MCC: variants seen among roughly 807,000 people sequenced by gnomAD.
The protein encoded by MCC is colorectal mutant cancer protein.
In MCC, 90 loss-of-function variants were observed where a neutral mutation model predicts 116.2. That is an observed-to-expected ratio of 0.77 (90% CI 0.65 to 0.92). MCC has a LOEUF of 0.92. MCC is among the 40% of genes least tolerant of loss of function. The pLI is 0.00. For missense variants in MCC, 1,516 were observed against 1,312.2 expected (o/e 1.16, Z -2.40); for synonymous variants, 578 against 510.5 (o/e 1.13, Z -1.78).
chr5:113,027,419 C>A lies in MCC; in HGVS notation c.2943G>T (p.Glu981Asp). Residue 981 changes from glutamate (E) to aspartate (D), a missense_variant, in exon 19 of 19, where the codon GAG (glutamate) becomes GAT (aspartate). Physicochemically the swap from Glu to Asp is conservative, Grantham distance 45. Transcript: ENST00000408903. ...TCTCCACCATGGCCATCATCTGCGA[C>A]TCTAACTTCTTCAGTTTGTTTTGAT... ...KKHQNKLKKL[E>D]SQMMAMVERH... 6.2e-7 allele frequency: 1 copy of A among 1,614,244 alleles called. No homozygotes were observed. The highest frequency in any genetic ancestry group is 8.5e-7 in the Non-Finnish European group (1 of 1,180,040).
intron 3 of MCC, among the ~76,000 whole-genome samples, chr5:113,269,994 A>G (rs536133791): frequency 6.6e-6 from 1 of 152,346 alleles, no homozygotes; most frequent in African/African-American, 2.4e-5. Flanking sequence ...TTTCCCAAAG[A>G]AGGAAGAGAG....
At chr5:113,050,651 T>G (rs1752425707) in intron 15 of MCC, among the ~76,000 whole-genome samples, 1 of 152,232 alleles carries the variant, frequency 6.6e-6, no homozygotes. Context: ...GAAGCAGGAT[T>G]CTGAAGGTTC....
intron 3 of MCC, among the ~76,000 whole-genome samples, chr5:113,255,274 T>C (rs1456924530): frequency 6.6e-6 from 1 of 152,228 alleles, no homozygotes; most frequent in Non-Finnish European, 1.5e-5. Flanking sequence ...AGGTTTCCTT[T>C]ATAAATAAAA....
At chr5:113,465,113 C>A (rs532982528) in intron 1 of MCC, among the ~76,000 whole-genome samples, 1 of 143,650 alleles carries the variant, frequency 7.0e-6, no homozygotes. Context: ...TTTTGTGGGG[C>A]GGAGGGAGAC....
intron 8 of MCC, among the ~76,000 whole-genome samples, chr5:113,100,502 C>T (rs1169296279): frequency 1.8e-5 from 2 of 109,730 alleles, no homozygotes; most frequent in Non-Finnish European, 3.3e-5. Flanking sequence ...CATGGAGTCT[C>T]CTTCTGTCGC....
At chr5:113,316,516 T>G (rs1407371086) in intron 3 of MCC, among the ~76,000 whole-genome samples, 6 of 152,216 alleles carry the variant, frequency 3.9e-5, no homozygotes, top group African/African-American at 7.2e-5. Context: ...CATTTATATT[T>G]CTGTCATGAT....
At chr5:113,276,370 G>A (rs1467145832) in intron 3 of MCC, among the ~76,000 whole-genome samples, 2 of 152,004 alleles carry the variant, frequency 1.3e-5, no homozygotes, top group Admixed American at 6.6e-5. Context: ...ACCACCCTGG[G>A]GCATCAAGGT....
intron 3 of MCC, among the ~76,000 whole-genome samples, chr5:113,281,356 T>G (rs1304030167): frequency 6.6e-6 from 1 of 152,238 alleles, no homozygotes; most frequent in African/African-American, 2.4e-5. Flanking sequence ...ATCTTTACAG[T>G]AATTCACAAA....
At chr5:113,285,804 C>T (rs1766234136) in intron 3 of MCC, among the ~76,000 whole-genome samples, 1 of 152,218 alleles carries the variant, frequency 6.6e-6, no homozygotes, top group Non-Finnish European at 1.5e-5. Flanking sequence ...ACAGGGACTA[C>T]ATCAGTTTTG....
At chr5:113,462,856 A>G (rs370888985) in intron 1 of MCC, among the ~76,000 whole-genome samples, 14 of 152,350 alleles carry the variant, frequency 9.2e-5, no homozygotes, top group African/African-American at 3.1e-4. Flanking sequence ...GTGAATAAAG[A>G]GGGACACAGT....
At chr5:113,283,801 T>C (rs1179534153) in intron 3 of MCC, among the ~76,000 whole-genome samples, 2 of 152,228 alleles carry the variant, frequency 1.3e-5, no homozygotes, top group East Asian at 1.9e-4. Flanking sequence ...CAGTTGATCA[T>C]TGAACAACAC....
chr5:113,165,585 C>T (rs1760724062), intron 3 of MCC, among the ~76,000 whole-genome samples: 1 of 152,136 alleles, frequency 6.6e-6, no homozygotes, highest in South Asian at 2.1e-4. Context: ...GTTACAGGGA[C>T]TCTGTGACAC....
At chr5:113,101,319 A>G (rs891578153) in intron 8 of MCC, among the ~76,000 whole-genome samples, 2 of 152,136 alleles carry the variant, frequency 1.3e-5, no homozygotes, top group Non-Finnish European at 2.9e-5. Flanking sequence ...AGTATAAGCA[A>G]ATGAGAGCAG....
chr5:113,110,758 G>A (rs938034230), intron 6 of MCC, among the ~76,000 whole-genome samples: 10 of 152,212 alleles, frequency 6.6e-5, no homozygotes, highest in Non-Finnish European at 1.5e-4. Flanking sequence ...AGCCAAAGAT[G>A]TGCTTGCATA....
intron 1 of MCC, among the ~76,000 whole-genome samples, chr5:113,478,659 T>C (rs967290192): frequency 3.3e-5 from 5 of 152,238 alleles, no homozygotes; most frequent in Non-Finnish European, 7.4e-5. Flanking sequence ...AAGGGAGACA[T>C]TGAGGTCAGA....
At chr5:113,156,152 G>A (rs184217233) in intron 3 of MCC, among the ~76,000 whole-genome samples, 17 of 152,268 alleles carry the variant, frequency 1.1e-4, no homozygotes, top group African/African-American at 4.1e-4. Flanking sequence ...CCTAACCCCA[G>A]ACTTCTGTTA....
intron 3 of MCC, among the ~76,000 whole-genome samples, chr5:113,163,301 CA>C (rs1186503456): frequency 6.6e-6 from 1 of 152,098 alleles, no homozygotes; most frequent in Non-Finnish European, 1.5e-5. Flanking sequence ...GAAAAATAAT[CA>C]AAAATAATAA....
At chr5:113,418,134 C>T (rs1301560159) in intron 1 of MCC, among the ~76,000 whole-genome samples, 1 of 151,856 alleles carries the variant, frequency 6.6e-6, no homozygotes, top group Non-Finnish European at 1.5e-5. Context: ...CTTCTTTTTT[C>T]CCTTCTATTT....
At chr5:113,045,075 C>T (rs764310025) in intron 16 of MCC, among the ~76,000 whole-genome samples, 2 of 152,200 alleles carry the variant, frequency 1.3e-5, no homozygotes, top group Non-Finnish European at 2.9e-5. Flanking sequence ...AGTCCCCTGT[C>T]CACCCTTGGA....
Sources: gnomAD v4.1 joint callset for allele counts (sites outside exome capture counted in the v4.1 genomes callset) on GRCh38, gnomAD v4.1.1 for gene constraint, MANE v1.5 for transcripts, NCBI Gene and HGNC (gene_info 2026-07-23, HGNC 2026-07-21) for gene names.